Variants in TBC1D19 observed in about 807,000 individuals in gnomAD.
The protein encoded by TBC1D19 is TBC1 domain family member 19.
In TBC1D19, 60 loss-of-function variants were observed where a neutral mutation model predicts 89.0. The ratio of observed to expected loss-of-function variants is 0.67; its 90% CI spans 0.55 to 0.84. The LOEUF is 0.84. TBC1D19 is among the 40% of genes least tolerant of loss of function. The probability of loss-of-function intolerance (pLI) is 0.00; values close to 1 mark genes in which losing one functional copy is unlikely to be tolerated. For synonymous variants in TBC1D19, 189 were observed against 199.7 expected, an observed-to-expected ratio of 0.95 and a Z score of 0.45; for missense variants, 500 against 610.8, an observed-to-expected ratio of 0.82 and a Z score of 1.91.
intron 9 of TBC1D19, among the ~76,000 whole-genome samples, chr4:26,668,792 C>G (rs1712033847): frequency 6.6e-6 from 1 of 151,794 alleles, no homozygotes; most frequent in African/African-American, 2.4e-5. Flanking sequence ...CCTCTGTTAC[C>G]TATGTTTTAT....
chr4:26,585,638 C>T (rs913088808), intron 1 of TBC1D19, among the ~76,000 whole-genome samples: 1 of 151,538 alleles, frequency 6.6e-6, no homozygotes. Flanking sequence ...GGCTGGAGTG[C>T]AGTGGTGTGA....
chr4:26,745,497 CTTTTTTTTTTTTTTTT>C (rs71186486), intron 18 of TBC1D19, among the ~76,000 whole-genome samples: 1 of 40,550 alleles, frequency 2.5e-5, no homozygotes, highest in African/African-American at 9.6e-5. Flanking sequence ...CAATATACTT[CTTTTTTTTTTTTTTTT>C]TTTTTTTTTT....
the TBC1D19 span, among the ~76,000 whole-genome samples, chr4:26,768,964 A>C: frequency 6.6e-6 from 1 of 151,982 alleles, no homozygotes; most frequent in African/African-American, 2.4e-5. Flanking sequence ...AAGATCAACA[A>C]GCCCCAAGCA....
chr4:26,634,324 G>A (rs1742989823), intron 4 of TBC1D19, among the ~76,000 whole-genome samples: 2 of 151,998 alleles, frequency 1.3e-5, no homozygotes, highest in Non-Finnish European at 2.9e-5. Context: ...TGGGTCCCAT[G>A]GCATTATTCA....
At chr4:26,738,200 A>T (rs1718155075) in intron 16 of TBC1D19, among the ~76,000 whole-genome samples, 1 of 151,422 alleles carries the variant, frequency 6.6e-6, no homozygotes, top group Non-Finnish European at 1.5e-5. Context: ...TTGAATAAAA[A>T]CTAATTGTAA....
chr4:26,647,554 A>G (rs1486445436), intron 7 of TBC1D19, among the ~76,000 whole-genome samples: 2 of 152,246 alleles, frequency 1.3e-5, no homozygotes, highest in South Asian at 2.1e-4. Flanking sequence ...AGGCCTTTAA[A>G]TGCAATTCAG....
the TBC1D19 span, among the ~76,000 whole-genome samples, chr4:26,781,520 T>C: frequency 3.9e-5 from 6 of 152,210 alleles, no homozygotes; most frequent in Non-Finnish European, 7.3e-5. Context: ...CTACTGTTCC[T>C]AGGGTAAAAA....
At chr4:26,602,760 C>T (rs1316464030) in intron 1 of TBC1D19, among the ~76,000 whole-genome samples, 2 of 151,484 alleles carry the variant, frequency 1.3e-5, no homozygotes, top group Admixed American at 6.6e-5. Context: ...TATTATTTTC[C>T]ACCACACACT....
At chr4:26,758,677 G>T (rs1465340358), downstream of TBC1D19, among the ~76,000 whole-genome samples, 1 of 152,180 alleles carries the variant, frequency 6.6e-6, no homozygotes, top group African/African-American at 2.4e-5. Flanking sequence ...AGAAGGAAAA[G>T]CTGCTCTTTT....
At chr4:26,643,690 AAAG>A (rs1198558244) in intron 7 of TBC1D19, among the ~76,000 whole-genome samples, 1 of 152,190 alleles carries the variant, frequency 6.6e-6, no homozygotes, top group East Asian at 1.9e-4. Context: ...CAAAACTAAT[AAAG>A]AAGAAAAGAG....
chr4:26,826,715 A>G, the TBC1D19 span, among the ~76,000 whole-genome samples: 2 of 152,220 alleles, frequency 1.3e-5, no homozygotes, highest in African/African-American at 2.4e-5. Context: ...TTCAAGGTCT[A>G]TAACTGTTGG....
chr4:26,838,885 G>A, the TBC1D19 span, among the ~76,000 whole-genome samples: 2 of 152,170 alleles, frequency 1.3e-5, no homozygotes, highest in African/African-American at 2.4e-5. Flanking sequence ...TGCAGAGCCT[G>A]TTAAACCCCA....
the TBC1D19 span, among the ~76,000 whole-genome samples, chr4:26,788,096 C>T: frequency 6.6e-6 from 1 of 152,290 alleles, no homozygotes; most frequent in Admixed American, 6.5e-5. Context: ...CACCCTTTCA[C>T]AAGCCTCTGC....
In TBC1D19 at chr4:26,701,339, GCTAT is replaced by G. The variant is rs543997158; in HGVS notation, c.954+12936_954+12939del. 3.2e-3 allele frequency among the ~76,000 whole-genome samples: 491 copies of G among 152,164 alleles called. 2 individuals carry two copies. Among genetic ancestry groups the G allele is most frequent in the Non-Finnish European group, 5.3e-3 (363 of 68,008 alleles). On this transcript the variant is annotated intron_variant, in intron 13 of 20. Transcript: ENST00000264866. ...CTGCACAAACACACACAAAGTGATGGCTATCTAATATGTGCTTTTGAAGTACTGT... is the reference window on the plus strand; with the variant it reads ...CTGCACAAACACACACAAAGTGATGGCTAATATGTGCTTTTGAAGTACTGT...
chr4:26,821,033 A>G, the TBC1D19 span, among the ~76,000 whole-genome samples: 1 of 152,188 alleles, frequency 6.6e-6, no homozygotes, highest in African/African-American at 2.4e-5. Flanking sequence ...TCTGGCCCCT[A>G]CACTGCATTT....
intron 13 of TBC1D19, among the ~76,000 whole-genome samples, chr4:26,695,288 G>C (rs549940102): frequency 1.3e-5 from 2 of 152,130 alleles, no homozygotes; most frequent in African/African-American, 4.8e-5. Context: ...GAAATGAAGC[G>C]AGAAGAGAAG....
chr4:26,843,205 A>C, the TBC1D19 span, among the ~76,000 whole-genome samples: 1 of 152,206 alleles, frequency 6.6e-6, no homozygotes, highest in Non-Finnish European at 1.5e-5. Flanking sequence ...CTGTATTAAA[A>C]ATTTTTTGGA....
At chr4:26,797,313 T>A in the TBC1D19 span, among the ~76,000 whole-genome samples, 2 of 151,970 alleles carry the variant, frequency 1.3e-5, no homozygotes, top group African/African-American at 2.4e-5. Flanking sequence ...CACAAAAGAA[T>A]AAAATAGGAA....
chr4:26,720,548 G>T (rs919543478), intron 15 of TBC1D19, among the ~76,000 whole-genome samples: 3 of 151,976 alleles, frequency 2.0e-5, no homozygotes, highest in Admixed American at 1.3e-4. Context: ...TTATTAAAAG[G>T]TATCACTGAA....
Sources: allele counts gnomAD v4.1 joint callset (sites outside exome capture counted in the v4.1 genomes callset), GRCh38; gene constraint gnomAD v4.1.1; transcripts MANE v1.5; gene names NCBI Gene and HGNC (gene_info 2026-07-23, HGNC 2026-07-21).